Variants in FAM193A observed in about 807,000 individuals in gnomAD.
FAM193A encodes protein FAM193A.
FAM193A carries 22 observed loss-of-function variants against 126.5 expected under a neutral mutation model. The observed-to-expected ratio is 0.17, with a 90% confidence interval of 0.12 to 0.25. The LOEUF is 0.25. FAM193A is among the 10% of genes least tolerant of loss of function. The probability of loss-of-function intolerance (pLI) is 1.00; values close to 1 mark genes in which losing one functional copy is unlikely to be tolerated. For missense variants in FAM193A, 1,675 were observed against 1,672.8 expected, an observed-to-expected ratio of 1.00 and a Z score of -0.02; for synonymous variants, 761 against 646.8, an observed-to-expected ratio of 1.18 and a Z score of -2.68.
chr4:2,702,047 C>T (rs548391885), intron 19 of FAM193A, among the ~76,000 whole-genome samples: 2 of 152,348 alleles, frequency 1.3e-5, no homozygotes, highest in African/African-American at 4.8e-5. Flanking sequence ...GCTGGGATTA[C>T]AGGCGTGAGC....
At chr4:2,565,369 C>CCTG (rs1371466539) in intron 1 of FAM193A, among the ~76,000 whole-genome samples, 2 of 145,894 alleles carry the variant, frequency 1.4e-5, no homozygotes, top group East Asian at 4.2e-4. Context: ...AAGCAATTCT[C>CCTG]CTGCTTCAGC....
At chr4:2,716,637 A>C (rs2109375013) in intron 20 of FAM193A, among the ~76,000 whole-genome samples, 1 of 152,270 alleles carries the variant, frequency 6.6e-6, no homozygotes, top group South Asian at 2.1e-4. Context: ...TTGTTCTATA[A>C]TGTTTTAACT....
chr4:2,646,691 A>T lies in FAM193A; in HGVS notation c.1170A>T (p.Gly390=). 6.2e-7 allele frequency: 1 copy of T among 1,605,750 alleles called. No homozygotes were observed. Among genetic ancestry groups the T allele is most frequent in the Non-Finnish European group, 8.5e-7 (1 of 1,176,446 alleles). Residue 390 remains glycine (G), a synonymous_variant, in exon 7 of 21, where the codon GGA becomes GGT. Coordinates refer to ENST00000637812, the MANE Select transcript of FAM193A (RefSeq NM_001366318.2). ...LPALVSQIRL[G]TTTHDTCSED... ...AAGGCCTTCTCTCTCCTAGGCTAGG[A>T]ACCACCACACACGACACCTGCAGTG...
intron 5 of FAM193A, among the ~76,000 whole-genome samples, chr4:2,637,084 T>C (rs995480233): frequency 2.6e-5 from 4 of 152,174 alleles, no homozygotes; most frequent in African/African-American, 9.7e-5. Flanking sequence ...CCCAGCACTT[T>C]GGGAGGCCAA....
At chr4:2,551,939 C>T (rs1339677210) in intron 1 of FAM193A, among the ~76,000 whole-genome samples, 1 of 151,210 alleles carries the variant, frequency 6.6e-6, no homozygotes. Flanking sequence ...CTCCTGGACT[C>T]AAGGGATCCT....
At chr4:2,644,280 G>A (rs1744918552) in intron 6 of FAM193A, among the ~76,000 whole-genome samples, 1 of 152,144 alleles carries the variant, frequency 6.6e-6, no homozygotes, top group Non-Finnish European at 1.5e-5. Context: ...ACTTGGAAGA[G>A]ATAAATTCTT....
chr4:2,678,365 T>G (rs1714683937), intron 13 of FAM193A, among the ~76,000 whole-genome samples: 1 of 148,260 alleles, frequency 6.7e-6, no homozygotes, highest in Non-Finnish European at 1.5e-5. Context: ...TGGTGGTTTT[T>G]TTTTTTTTTT....
rs1721470523 is a variant in FAM193A, at chr4:2,732,129, A to G, written c.*261A>G. Reference sequence around the variant, plus strand: ...GTAGTTCCCGCCAAGTCCTCCCACCACCGCGGCCTCGGAGGCCTGGGCCGT... The same window carrying G: ...GTAGTTCCCGCCAAGTCCTCCCACCGCCGCGGCCTCGGAGGCCTGGGCCGT... On this transcript the variant is annotated 3_prime_UTR_variant, in exon 21 of 21. Transcript: ENST00000637812. 1 of 498,874 alleles carries G rather than the reference A, an allele frequency of 2.0e-6. No individual in the cohort carries two copies. The allele number at this position is 498,874 out of a possible 1,614,324, so 30.9% of individuals were successfully genotyped here.
chr4:2,720,527 C>T (rs1250841703), intron 20 of FAM193A, among the ~76,000 whole-genome samples: 1 of 151,872 alleles, frequency 6.6e-6, no homozygotes, highest in East Asian at 1.9e-4. Context: ...TGACATGCAC[C>T]TGTGGTCCCA....
At chr4:2,548,515 G>C (rs145727574) in intron 1 of FAM193A, among the ~76,000 whole-genome samples, 1 of 152,060 alleles carries the variant, frequency 6.6e-6, no homozygotes, top group African/African-American at 2.4e-5. Flanking sequence ...GGAGTGTGGT[G>C]GCATGATCTC....
chr4:2,596,469 T>A, intron 2 of FAM193A, 140 bp downstream of exon 2: 2 of 609,178 alleles, frequency 3.3e-6, no homozygotes, highest in African/African-American at 3.7e-5. Context: ...CTGTGTCTCC[T>A]GGTACGTTCC....
Position 2,700,501 on chromosome 4 carries a change from G to A in FAM193A, c.4329G>A (p.Lys1443=), listed in dbSNP as rs772876263. 26 of 1,612,546 alleles carry A rather than the reference G, an allele frequency of 1.6e-5. No individual in the cohort carries two copies. The highest frequency in any genetic ancestry group is 2.0e-5 in the Non-Finnish European group (24 of 1,179,646). The change falls in exon 19 of 21, where the codon AAG becomes AAA. Residue 1443 remains lysine, a synonymous_variant. Transcript: ENST00000637812. ...CCCCTCAGCCAAAGGGCAAGAACAAGAAAAATAAGAAGAAGAAAGGAGACA... is the reference window on the plus strand; with the variant it reads ...CCCCTCAGCCAAAGGGCAAGAACAAAAAAAATAAGAAGAAGAAAGGAGACA... ...AESPQPKGKN[K]KNKKKKGDRV... is the part of the protein sequence containing the mutation.
At chr4:2,645,096 G>C (rs1003403853) in intron 6 of FAM193A, among the ~76,000 whole-genome samples, 4 of 151,910 alleles carry the variant, frequency 2.6e-5, no homozygotes, top group African/African-American at 9.7e-5. Context: ...TTGGTAACAA[G>C]TATCTGGTTA....
chr4:2,598,386 G>A (rs894694461), intron 2 of FAM193A, among the ~76,000 whole-genome samples: 1 of 152,122 alleles, frequency 6.6e-6, no homozygotes, highest in Non-Finnish European at 1.5e-5. Flanking sequence ...TTGTTCCCAC[G>A]TTTGGGCTAT....
chr4:2,670,523 G>C (rs1190241283), intron 12 of FAM193A, among the ~76,000 whole-genome samples: 1 of 152,068 alleles, frequency 6.6e-6, no homozygotes, highest in Non-Finnish European at 1.5e-5. Flanking sequence ...CATGATTACA[G>C]CTCACTGGAG....
rs140718702 is a variant in FAM193A at position 2,555,188 on chromosome 4, A to T, written c.255+18018A>T. ...GACTTTTTGACCTTGTAGGCTTTGT[A>T]AACTGATTTGCTAGATTACATGAAC... On this transcript the variant is annotated intron_variant, in intron 1 of 20. Coordinates refer to ENST00000637812, the MANE Select transcript of FAM193A (RefSeq NM_001366318.2). 3.9e-5 allele frequency among the ~76,000 whole-genome samples: 6 copies of T among 152,304 alleles called. No homozygotes were observed. In the East Asian group the frequency reaches 1.2e-3, roughly 29 times the overall value.
rs137972486 is a variant in FAM193A, at chr4:2,673,492, A to G, written c.2331+1120A>G. 2.9e-3 allele frequency among the ~76,000 whole-genome samples: 449 copies of G among 152,346 alleles called. 1 individual carries two copies. Among genetic ancestry groups the G allele is most frequent in the Non-Finnish European group, 4.5e-3 (309 of 68,034 alleles). On this transcript the variant is annotated intron_variant, in intron 13 of 20. Coordinates refer to ENST00000637812, the MANE Select transcript of FAM193A (RefSeq NM_001366318.2). ...TAAGTTTGCCACATCTATTGTAATT[A>G]CTTGGCACAACCATCCAAATTCATG... is the stretch of plus-strand genomic sequence containing the variant.
intron 1 of FAM193A, among the ~76,000 whole-genome samples, chr4:2,572,924 G>A (rs1230786225): frequency 1.3e-5 from 2 of 152,092 alleles, no homozygotes; most frequent in East Asian, 1.9e-4. Flanking sequence ...TGGGTTGAAC[G>A]TAGCAGGATC....
chr4:2,717,221 G>A (rs1392980211), intron 20 of FAM193A, among the ~76,000 whole-genome samples: 5 of 151,584 alleles, frequency 3.3e-5, no homozygotes, highest in African/African-American at 7.3e-5. Flanking sequence ...TTTAAGTGAT[G>A]CACTCACCTC....
Sources: allele counts gnomAD v4.1 joint callset (sites outside exome capture counted in the v4.1 genomes callset), GRCh38; gene constraint gnomAD v4.1.1; transcripts MANE v1.5; gene names NCBI Gene and HGNC (gene_info 2026-07-23, HGNC 2026-07-21).